The following C15orf40 variants were observed in gnomAD, a reference collection of about 807,000 sequenced individuals.
C15orf40 encodes the protein chromosome 15 open reading frame 40.
Under a neutral mutation model 13.9 loss-of-function variants are expected in C15orf40, and 9 were observed. The observed-to-expected ratio is 0.65, with a 90% CI of 0.39 to 1.13. The LOEUF is 1.13. Ranked by LOEUF, C15orf40 falls within the 50% of genes most tolerant of loss-of-function variation. The pLI is 0.01. For synonymous variants in C15orf40, 95 were observed against 69.2 expected, an observed-to-expected ratio of 1.37 and a Z score of -1.85; for missense variants, 225 against 188.5, an observed-to-expected ratio of 1.19 and a Z score of -1.13.
chr15:82,997,656 C>G lies in C15orf40; in HGVS notation c.*7941G>C, dbSNP rs2151276856. 8.1e-6 allele frequency: 2 copies of G among 246,872 alleles called. No individual in the cohort carries two copies. The highest frequency in any genetic ancestry group is 1.7e-3 in the Middle Eastern group (1 of 606). 15.3% of individuals were successfully genotyped at this position (246,872 alleles called of 1,614,324 possible). A position where few individuals can be genotyped will look rare whatever the true frequency, so the allele number is the denominator to read the frequency against. ...TCTCTCAATCTTTTCCCCACCTTTC[C>G]CGCCTTTCTATTCCACAAAGCCGCC... On this transcript the variant is annotated 3_prime_UTR_variant, in exon 4 of 4. Transcript: ENST00000304177.
chr15:83,006,470 G>C, intron 3 of C15orf40: 1 of 985,228 alleles, frequency 1.0e-6, no homozygotes, highest in Non-Finnish European at 1.2e-6. Context: ...CTTTAAAAAG[G>C]ATTTGTTGGC....
At chr15:83,006,433 G>C in intron 3 of C15orf40, 1 of 985,268 alleles carries the variant, frequency 1.0e-6, no homozygotes, top group South Asian at 4.7e-5. Flanking sequence ...ACATATCCAA[G>C]TGCCACGATT....
chr15:83,005,836 C>A, intron 3 of C15orf40, 144 bp from the exon 4 acceptor site: 2 of 1,246,856 alleles, frequency 1.6e-6, no homozygotes, highest in Non-Finnish European at 1.0e-6. Context: ...CTCTTAGATT[C>A]TTCCTTACTA....
rs112828544 is a variant in C15orf40 at position 83,003,162 on chromosome 15, T to G, written c.*2435A>C. ...TTTTTTGAGATGGAGTTTCGCTCCTTTTGCCCAGGCTAGAGTGCAATGGCA... is the reference window on the plus strand; with the variant it reads ...TTTTTTGAGATGGAGTTTCGCTCCTGTTGCCCAGGCTAGAGTGCAATGGCA... On this transcript the variant is annotated 3_prime_UTR_variant, in exon 4 of 4. Transcript: ENST00000304177. The G allele has an allele frequency of 0.051, 7,601 of 148,922 alleles. 443 individuals carry two copies. Among genetic ancestry groups the G allele is most frequent in the African/African-American group, 0.14 (5,481 of 39,464 alleles). 9.2% of individuals were successfully genotyped at this position (148,922 alleles called of 1,614,324 possible).
intron 1 of C15orf40, 73 bp downstream of exon 1, chr15:83,011,424 C>CCCGCTTCTCCCGCGCT: frequency 6.7e-7 from 1 of 1,484,656 alleles, no homozygotes; most frequent in Non-Finnish European, 9.0e-7. Flanking sequence ...ACTCCCGGGC[C>CCCGCTTCTCCCGCGCT]CCGCTTCTCC....
At chr15:83,008,191 CAAA>C in intron 3 of C15orf40, 1 of 200,064 alleles carries the variant, frequency 5.0e-6, no homozygotes, top group Non-Finnish European at 1.0e-5. Flanking sequence ...GACTCCGTCT[CAAA>C]AAAAAAAAGA....
At chr15:83,008,527 A>G (rs1197086009) in intron 3 of C15orf40, 21 bp downstream of exon 3, 4 of 1,611,644 alleles carry the variant, frequency 2.5e-6, no homozygotes, top group Admixed American at 3.3e-5. Flanking sequence ...TCAAAAAAAA[A>G]AAAAAGAGAG....
intron 1 of C15orf40, chr15:83,011,254 C>T (rs1334470692): frequency 1.6e-5 from 7 of 433,884 alleles, no homozygotes; most frequent in Non-Finnish European, 2.9e-5. Flanking sequence ...CCAAGGAGAG[C>T]TCGGCTGCCG....
chr15:82,989,302 AGTACCT>A, downstream of C15orf40: 8 of 925,234 alleles, frequency 8.6e-6, no homozygotes, highest in Non-Finnish European at 1.3e-5. Context: ...TGGCATACCT[AGTACCT>A]AATAACAGTA....
chr15:83,004,573 A>G lies in C15orf40; in HGVS notation c.*1024T>C. Reference sequence around the variant, plus strand: ...TTTCTTCTTTTAAGGATCTTTGGAGATTCATAAAAACTACTGAATTTGCTG... The same window carrying G: ...TTTCTTCTTTTAAGGATCTTTGGAGGTTCATAAAAACTACTGAATTTGCTG... On this transcript the variant is annotated 3_prime_UTR_variant, in exon 4 of 4. Coordinates refer to ENST00000304177, the MANE Select transcript of C15orf40 (RefSeq NM_144597.3). 1.1e-6 allele frequency: 1 copy of G among 883,968 alleles called. No homozygotes were observed. Among genetic ancestry groups the G allele is most frequent in the Non-Finnish European group, 1.4e-6 (1 of 737,274 alleles). 54.8% of individuals were successfully genotyped at this position (883,968 alleles called of 1,614,324 possible). A position where few individuals can be genotyped will look rare whatever the true frequency, so the allele number is the denominator to read the frequency against.
At position 83,005,176 on chromosome 15, in the gene C15orf40, T is replaced by C; in HGVS notation, c.*421A>G. ...TACTTTTTGGAGTCTTATTCGAATA[T>C]ATACATATATATATGTCCCCCATGT... is the stretch of plus-strand genomic sequence containing the variant. On this transcript the variant is annotated 3_prime_UTR_variant, in exon 4 of 4. Transcript: ENST00000304177. 1 of 1,039,374 alleles carries C rather than the reference T, an allele frequency of 9.6e-7. No individual in the cohort carries two copies. Among genetic ancestry groups the C allele is most frequent in the Non-Finnish European group, 1.2e-6 (1 of 860,310 alleles). 64.4% of individuals were successfully genotyped at this position (1,039,374 alleles called of 1,614,324 possible). A position where few individuals can be genotyped will look rare whatever the true frequency, so the allele number is the denominator to read the frequency against.
At chr15:83,008,018 C>G (rs528448568) in intron 3 of C15orf40, 1 of 153,908 alleles carries the variant, frequency 6.5e-6, no homozygotes, top group East Asian at 1.9e-4. Context: ...ATGGTGAAAC[C>G]CTGTCTCTAC....
At chr15:82,993,743 T>C (rs2030949545), downstream of C15orf40, among the ~76,000 whole-genome samples, 1 of 152,104 alleles carries the variant, frequency 6.6e-6, no homozygotes, top group Non-Finnish European at 1.5e-5. Context: ...AGGTGGAGGT[T>C]ACAGTGAGCC....
Position 83,000,541 on chromosome 15 carries a change from T to C in C15orf40, c.*5056A>G, listed in dbSNP as rs1227431763. ...TAGTCAGGCACTGCAGACTACCTAA[T>C]AGTGCTGTTCACTACAAAAGGAAAC... On this transcript the variant is annotated 3_prime_UTR_variant, in exon 4 of 4. Coordinates refer to ENST00000304177, the MANE Select transcript of C15orf40 (RefSeq NM_144597.3). 1 of 152,244 alleles carries C rather than the reference T, an allele frequency of 6.6e-6. No homozygotes were observed. Among genetic ancestry groups the C allele is most frequent in the Non-Finnish European group, 1.5e-5 (1 of 68,048 alleles). The allele number at this position is 152,244 out of a possible 1,614,324, so 9.4% of individuals were successfully genotyped here.
At position 83,010,270 on chromosome 15, in the gene C15orf40, C is replaced by T; in HGVS notation, c.205G>A (p.Ala69Thr). The change falls in exon 2 of 4, where the codon GCA becomes ACA. Residue 69 changes from alanine to threonine, a missense_variant. Physicochemically the swap from Ala to Thr is moderately conservative, Grantham distance 58. Transcript: ENST00000304177. The part of the protein sequence containing the change: ...PKGCVTIAIH[A>T]KPGSKQNAVT... Reference sequence around the variant, plus strand: ...GCATTTTGTTTGGAGCCAGGTTTTGCATGGATGGCTATGGTGACGCATCCT... The same window carrying T: ...GCATTTTGTTTGGAGCCAGGTTTTGTATGGATGGCTATGGTGACGCATCCT... 2.5e-6 allele frequency: 4 copies of T among 1,614,212 alleles called. No homozygotes were observed. The South Asian group carries it at 4.4e-5, about 18-fold the overall frequency.
chr15:83,011,592 T>C lies in C15orf40; in HGVS notation c.16A>G (p.Ser6Gly), dbSNP rs777862150. 13 of 1,589,548 alleles carry C rather than the reference T, an allele frequency of 8.2e-6. No homozygotes were observed. The highest frequency in any genetic ancestry group is 1.1e-5 in the South Asian group (1 of 88,950). The change falls in exon 1 of 4, where the codon AGC (serine) becomes GGC (glycine). Residue 6 changes from serine to glycine, a missense_variant. Transcript: ENST00000304177. Reference sequence around the variant, plus strand: ...GTTGCCCGAAGGTGCCTCAGCCCGCTGCGGAGCCGCAGCATCCCCGCCTGG... The same window carrying C: ...GTTGCCCGAAGGTGCCTCAGCCCGCCGCGGAGCCGCAGCATCCCCGCCTGG... Reference protein sequence around the residue: MLRLRSGLRHLRATPN... With the variant: MLRLRGGLRHLRATPN...
Position 83,005,289 on chromosome 15 carries a change from C to CT in C15orf40, c.*307dup, listed in dbSNP as rs1406459542. The CT allele has an allele frequency of 2.4e-5, 24 of 998,476 alleles. No homozygotes were observed. The highest frequency in any genetic ancestry group is 3.8e-5 in the South Asian group (1 of 26,560). The allele number at this position is 998,476 out of a possible 1,614,324, so 61.9% of individuals were successfully genotyped here. A position where few individuals can be genotyped will look rare whatever the true frequency, so the allele number is the denominator to read the frequency against. Reference sequence around the variant, plus strand: ...TTTCTCAAGGATGTATTTTTTATTTCTTTTTTTTCGGGGGGAGAGAGTTTC... The same window carrying CT: ...TTTCTCAAGGATGTATTTTTTATTTCTTTTTTTTTCGGGGGGAGAGAGTTTC... On this transcript the variant is annotated 3_prime_UTR_variant, in exon 4 of 4. Coordinates refer to ENST00000304177, the MANE Select transcript of C15orf40 (RefSeq NM_144597.3).
At position 82,998,154 on chromosome 15, in the gene C15orf40, C is replaced by G. The variant is rs1237924025; in HGVS notation, c.*7443G>C. 5 of 133,468 alleles carry G rather than the reference C, an allele frequency of 3.7e-5. No individual in the cohort carries two copies. Among genetic ancestry groups the G allele is most frequent in the Admixed American group, 1.4e-4 (2 of 14,094 alleles). 8.3% of individuals were successfully genotyped at this position (133,468 alleles called of 1,614,324 possible). On this transcript the variant is annotated 3_prime_UTR_variant, in exon 4 of 4. Coordinates refer to ENST00000304177, the MANE Select transcript of C15orf40 (RefSeq NM_144597.3). Reference sequence around the variant, plus strand: ...GCCCCTCACCTCCCGGACGGGGCGGCTGGCCGGGCGGGGGGCTGACCCCCC... The same window carrying G: ...GCCCCTCACCTCCCGGACGGGGCGGGTGGCCGGGCGGGGGGCTGACCCCCC...
In C15orf40 at chr15:83,004,803, TTC is replaced by T; in HGVS notation, c.*792_*793del. ...AGACTACAAAGCAGCATAACAGGTT[TTC>T]TGTCACTTGTAAACTGGATTAGAAG... is the stretch of plus-strand genomic sequence containing the variant. On this transcript the variant is annotated 3_prime_UTR_variant, in exon 4 of 4. Transcript: ENST00000304177. The T allele has an allele frequency of 9.9e-6, 12 of 1,207,674 alleles. No individual in the cohort carries two copies. The highest frequency in any genetic ancestry group is 2.9e-5 in the Admixed American group (1 of 33,992). The allele number at this position is 1,207,674 out of a possible 1,614,324, so 74.8% of individuals were successfully genotyped here.
Sources: allele counts gnomAD v4.1 joint callset (sites outside exome capture counted in the v4.1 genomes callset), GRCh38; gene constraint gnomAD v4.1.1; transcripts MANE v1.5; gene names NCBI Gene and HGNC (gene_info 2026-07-23, HGNC 2026-07-21).